The following CALM2 variants were observed in gnomAD, a reference collection of about 807,000 sequenced individuals.
The protein encoded by CALM2 is calmodulin-2.
Under a neutral mutation model 19.8 loss-of-function variants are expected in CALM2, and 2 were observed. The observed-to-expected ratio is 0.10, with a 90% CI of 0.04 to 0.32. CALM2 has a LOEUF of 0.32. Ranked by LOEUF, CALM2 falls within the 10% of genes least tolerant of loss-of-function variation. The pLI, the probability that CALM2 is intolerant of heterozygous loss-of-function variation, is 1.00. For synonymous variants in CALM2, 51 were observed against 52.1 expected (o/e 0.98, Z 0.09); for missense variants, 38 against 178.7 (o/e 0.21, Z 4.49).
intron 1 of CALM2, chr2:47,173,003 C>T (rs1354495365): frequency 2.0e-5 from 3 of 152,120 alleles, no homozygotes; most frequent in East Asian, 1.9e-4. Flanking sequence ...TGGAAGAGAT[C>T]ACAAAAATGA....
chr2:47,170,741 C>T lies in CALM2; in HGVS notation c.27G>A (p.Gln9=). The T allele has an allele frequency of 6.2e-7, 1 of 1,613,186 alleles. No individual in the cohort carries two copies. The highest frequency in any genetic ancestry group is 8.5e-7 in the Non-Finnish European group (1 of 1,179,114). MADQLTEE[Q]IAEFKEAFSL... ...TAGCTGAGTATTTCTCACCTGCAAT[C>T]TGCTCTTCAGTCAGTTGGTCAGCCT... Residue 9 remains glutamine (Q), a synonymous_variant, in exon 2 of 6, where the codon CAG becomes CAA. Transcript: ENST00000272298.
chr2:47,160,708 G>C lies in CALM2; in HGVS notation c.*68C>G, dbSNP rs1326360861. On this transcript the variant is annotated 3_prime_UTR_variant, in exon 6 of 6. Coordinates refer to ENST00000272298, the MANE Select transcript of CALM2 (RefSeq NM_001743.6). Reference sequence around the variant, plus strand: ...GTAGGGAGAAACCTTTTACAGATAAGTTACAAACAAAGAAAAGGCAAATAA... The same window carrying C: ...GTAGGGAGAAACCTTTTACAGATAACTTACAAACAAAGAAAAGGCAAATAA... 3 of 891,556 alleles carry C rather than the reference G, an allele frequency of 3.4e-6. No individual in the cohort carries two copies. The highest frequency in any genetic ancestry group is 1.8e-5 in the South Asian group (1 of 54,818). The allele number at this position is 891,556 out of a possible 1,614,324, so 55.2% of individuals were successfully genotyped here. A position where few individuals can be genotyped will look rare whatever the true frequency, so the allele number is the denominator to read the frequency against.
intron 1 of CALM2, among the ~76,000 whole-genome samples, chr2:47,175,545 A>C (rs541586443): frequency 6.6e-6 from 1 of 152,294 alleles, no homozygotes; most frequent in South Asian, 2.1e-4. Flanking sequence ...GGGTAAGACT[A>C]ATTTCTTTCA....
chr2:47,174,474 T>G (rs1666779789), intron 1 of CALM2, among the ~76,000 whole-genome samples: 1 of 152,222 alleles, frequency 6.6e-6, no homozygotes, highest in Non-Finnish European at 1.5e-5. Context: ...TATAAAGTTA[T>G]GTGAAGGCAA....
At chr2:47,168,503 C>T (rs1411471465) in intron 2 of CALM2, among the ~76,000 whole-genome samples, 3 of 152,090 alleles carry the variant, frequency 2.0e-5, no homozygotes, top group Non-Finnish European at 2.9e-5. Context: ...CTTTAGGAGG[C>T]TGAGGCGGGT....
intron 1 of CALM2, chr2:47,172,712 G>C (rs1311720517): frequency 7.4e-6 from 2 of 270,704 alleles, no homozygotes; most frequent in African/African-American, 2.3e-5. Flanking sequence ...AAAAAGTTGA[G>C]CTAAATGTGT....
chr2:47,167,817 T>TTTTTTTTTTTTTTTTTTTTTTTTTTTTTG lies in CALM2; in HGVS notation c.34+2916_34+2917insCAAAAAAAAAAAAAAAAAAAAAAAAAAAA, dbSNP rs70940664. 48 of 142,958 alleles carry TTTTTTTTTTTTTTTTTTTTTTTTTTTTTG rather than the reference T, an allele frequency of 3.4e-4. 6 individuals carry two copies. The highest frequency in any genetic ancestry group is 6.4e-4 in the Non-Finnish European group (42 of 66,012). The allele number at this position is 142,958 out of a possible 1,614,324, so 8.9% of individuals were successfully genotyped here. A position where few individuals can be genotyped will look rare whatever the true frequency, so the allele number is the denominator to read the frequency against. ...AAAAAAAATTTTTTTTTCTTTTCTT[T>TTTTTTTTTTTTTTTTTTTTTTTTTTTTTG]GAGACAGGGTCTTGCTGTGTTGCCC... On this transcript the variant is annotated intron_variant, in intron 2 of 5. Transcript: ENST00000272298.
intron 1 of CALM2, chr2:47,174,122 C>G (rs895993724): frequency 2.6e-5 from 4 of 152,212 alleles, no homozygotes; most frequent in African/African-American, 9.7e-5. Context: ...CCTAATCACC[C>G]TGCACTCAAA....
chr2:47,176,415 C>T, intron 1 of CALM2, 26 bp downstream of exon 1: 9 of 1,612,334 alleles, frequency 5.6e-6, no homozygotes, highest in Non-Finnish European at 7.6e-6. Context: ...ACAGGCCCAG[C>T]GCCGGCAGCT....
intron 1 of CALM2, chr2:47,171,616 A>G (rs1666670755): frequency 6.6e-6 from 1 of 152,198 alleles, no homozygotes; most frequent in Admixed American, 6.5e-5. Context: ...CAAAATATCC[A>G]GACTCCTTGT....
chr2:47,176,472 C>T lies in CALM2; in HGVS notation c.-29G>A. On this transcript the variant is annotated 5_prime_UTR_variant, in exon 1 of 6. Coordinates refer to ENST00000272298, the MANE Select transcript of CALM2 (RefSeq NM_001743.6). Reference sequence around the variant, plus strand: ...GCAAGCGCTACCGGTTTCCGAGACGCGACCACACAACCACTCAGCTCGCTC... The same window carrying T: ...GCAAGCGCTACCGGTTTCCGAGACGTGACCACACAACCACTCAGCTCGCTC... The T allele has an allele frequency of 6.2e-7, 1 of 1,613,732 alleles. No individual in the cohort carries two copies. The highest frequency in any genetic ancestry group is 8.5e-7 in the Non-Finnish European group (1 of 1,179,948).
At chr2:47,164,059 A>C (rs1430628386) in intron 2 of CALM2, 7 of 151,652 alleles carry the variant, frequency 4.6e-5, no homozygotes, top group Admixed American at 4.6e-4. Context: ...AACACGGTGA[A>C]ACCCCATCTC....
intron 2 of CALM2, chr2:47,167,814 C>CTTTTTTTTTTG: frequency 1.0e-5 from 1 of 96,526 alleles, no homozygotes; most frequent in Non-Finnish European, 1.8e-5. Context: ...TTTTTCTTTT[C>CTTTTTTTTTTG]TTTGAGACAG....
intron 2 of CALM2, among the ~76,000 whole-genome samples, chr2:47,169,956 A>G (rs903910995): frequency 1.8e-5 from 1 of 56,108 alleles, no homozygotes; most frequent in Non-Finnish European, 3.5e-5. Context: ...GCATTTCAAC[A>G]CTACAATAAA....
chr2:47,168,688 T>C (rs1439809149), intron 2 of CALM2, among the ~76,000 whole-genome samples: 1 of 152,042 alleles, frequency 6.6e-6, no homozygotes, highest in Non-Finnish European at 1.5e-5. Flanking sequence ...CACTCCAGCC[T>C]GGGCAACAAG....
intron 1 of CALM2, chr2:47,174,079 A>T (rs1666765975): frequency 6.6e-6 from 1 of 152,220 alleles, no homozygotes; most frequent in Non-Finnish European, 1.5e-5. Context: ...CTCAAGTGAC[A>T]AAAATTTTCT....
rs57421631 is a variant in CALM2 at position 47,164,595 on chromosome 2, C to CA, written c.35-1934dup. Among the ~76,000 whole-genome samples, 270 of 132,066 alleles carry CA rather than the reference C, an allele frequency of 2.0e-3. 1 individual carries two copies. Among genetic ancestry groups the CA allele is most frequent in the East Asian group, 0.016 (67 of 4,264 alleles). 86.6% of individuals were successfully genotyped at this position (132,066 alleles called of 152,430 possible). A position where few individuals can be genotyped will look rare whatever the true frequency, so the allele number is the denominator to read the frequency against. On this transcript the variant is annotated intron_variant, in intron 2 of 5. Transcript: ENST00000272298. ...TTGGGCAACAGAGTGAGACTTGTCT[C>CA]AAAAAAAAAAAAAGAAAGAAAGAAA...
upstream of CALM2, chr2:47,176,869 T>G (rs1410673315): frequency 3.0e-6 from 3 of 985,298 alleles, no homozygotes; most frequent in Non-Finnish European, 3.6e-6. Flanking sequence ...TCACTGGGAC[T>G]CGCAGCCGCC....
chr2:47,173,991 T>C (rs1008659317), intron 1 of CALM2: 2 of 152,206 alleles, frequency 1.3e-5, no homozygotes, highest in Non-Finnish European at 2.9e-5. Context: ...GCTTTCTATA[T>C]TTTAAAAGAG....
Sources: allele counts gnomAD v4.1 joint callset (sites outside exome capture counted in the v4.1 genomes callset), GRCh38; gene constraint gnomAD v4.1.1; transcripts MANE v1.5; gene names NCBI Gene and HGNC (gene_info 2026-07-23, HGNC 2026-07-21).